The following TGFBI variants were observed in gnomAD, a reference collection of about 807,000 sequenced individuals.
The protein encoded by TGFBI is transforming growth factor-beta-induced protein ig-h3.
A neutral mutation model predicts 73.7 loss-of-function variants in TGFBI; 50 were observed. The ratio of observed to expected loss-of-function variants is 0.68; its 90% confidence interval spans 0.54 to 0.86. The LOEUF (loss-of-function observed/expected upper bound fraction) is 0.86. Among genes scored for constraint, TGFBI ranks in the 40% least tolerant of loss-of-function variants. The pLI is 0.00. For missense variants in TGFBI, 839 were observed against 877.0 expected (o/e 0.96, Z 0.55); for synonymous variants, 362 against 360.5 (o/e 1.00, Z -0.05).
chr5:136,033,864 G>T lies in TGFBI; in HGVS notation c.233+3G>T. The stretch of plus-strand genomic sequence containing the variant: ...AGGAAAATCTGTGGCAAATCAACGT[G>T]AGTATCTGTAACCAGCCAGGAGACC... On this transcript the variant is annotated splice_donor_region_variant and intron_variant, in intron 2 of 16. Transcript: ENST00000442011. 1 of 1,612,800 alleles carries T rather than the reference G, an allele frequency of 6.2e-7. No individual in the cohort carries two copies. Among genetic ancestry groups the T allele is most frequent in the Non-Finnish European group, 8.5e-7 (1 of 1,179,190 alleles).
At chr5:136,034,434 G>T (rs1359171808) in intron 2 of TGFBI, among the ~76,000 whole-genome samples, 2 of 151,914 alleles carry the variant, frequency 1.3e-5, no homozygotes, top group African/African-American at 4.8e-5. Context: ...TATAACAAAA[G>T]GACCCACCTT....
intron 3 of TGFBI, 94 bp from the exon 4 acceptor site, chr5:136,046,241 C>T: frequency 6.8e-7 from 1 of 1,478,574 alleles, no homozygotes; most frequent in Non-Finnish European, 9.3e-7. Flanking sequence ...TCCTCTCCAC[C>T]TGTAGATGTA....
At chr5:136,058,526 C>A (rs1180823206) in intron 12 of TGFBI, among the ~76,000 whole-genome samples, 1 of 152,174 alleles carries the variant, frequency 6.6e-6, no homozygotes, top group Non-Finnish European at 1.5e-5. Flanking sequence ...GGGAATATCC[C>A]CCTCAGCCCT....
chr5:136,037,746 C>T (rs1751253693), intron 2 of TGFBI, among the ~76,000 whole-genome samples: 6 of 152,174 alleles, frequency 3.9e-5, no homozygotes, highest in Admixed American at 3.9e-4. Flanking sequence ...TGCCCAGGGG[C>T]AAAAATATTA....
rs771190752 is a variant in TGFBI at position 136,060,827 on chromosome 5, C to T, written c.1804-7C>T. On this transcript the variant is annotated splice_region_variant and splice_polypyrimidine_tract_variant and intron_variant, in intron 13 of 16. Coordinates refer to ENST00000442011, the MANE Select transcript of TGFBI (RefSeq NM_000358.3). ...TACTTTCAACCACTACTCTGTTTTT[C>T]TTTTAGAAAAACAATGTGGTGAGTG... 2 of 1,589,506 alleles carry T rather than the reference C, an allele frequency of 1.3e-6. No individual in the cohort carries two copies. The highest frequency in any genetic ancestry group is 1.7e-6 in the Non-Finnish European group (2 of 1,163,198).
chr5:136,062,850 A>C (rs1751775079), intron 16 of TGFBI, among the ~76,000 whole-genome samples, 163 bp downstream of exon 16: 1 of 152,256 alleles, frequency 6.6e-6, no homozygotes, highest in Admixed American at 6.5e-5. Flanking sequence ...GGTCAGACCC[A>C]GAGCACCCCA....
chr5:136,058,209 T>G (rs1320254262), intron 12 of TGFBI, among the ~76,000 whole-genome samples: 2 of 152,218 alleles, frequency 1.3e-5, no homozygotes, highest in African/African-American at 2.4e-5. Flanking sequence ...GGCTCCATCC[T>G]CTGGCAGGCA....
intron 7 of TGFBI, 64 bp from the exon 8 acceptor site, chr5:136,052,843 C>A (rs1483609176): frequency 8.0e-6 from 12 of 1,499,308 alleles, no homozygotes; most frequent in Non-Finnish European, 1.1e-5. Flanking sequence ...GGGCAGGCTG[C>A]AAGTGGTCCC....
intron 4 of TGFBI, 101 bp downstream of exon 4, chr5:136,046,596 G>A (rs369298926): frequency 1.6e-5 from 23 of 1,398,980 alleles, no homozygotes; most frequent in East Asian, 7.5e-5. Flanking sequence ...ATTTCCTACT[G>A]TTTCAGGAAG....
rs377519138 is a variant in TGFBI at position 136,061,539 on chromosome 5, C to T, written c.1946C>T (p.Ser649Phe). The T allele has an allele frequency of 8.1e-6, 13 of 1,612,426 alleles. No homozygotes were observed. The highest frequency in any genetic ancestry group is 1.1e-5 in the Non-Finnish European group (13 of 1,179,276). ...PQERGDELADSALEIFKQASA... is the reference protein window; with the variant it reads ...PQERGDELADFALEIFKQASA... ...GAAAGAGGGGATGAACTTGCAGACT[C>T]TGCGCTTGAGATCTTCAAACAAGCA... The change falls in exon 15 of 17, where the codon TCT (serine) becomes TTT (phenylalanine). Residue 649 changes from serine (S) to phenylalanine (F), a missense_variant. Coordinates refer to ENST00000442011, the MANE Select transcript of TGFBI (RefSeq NM_000358.3).
At chr5:136,039,119 C>T (rs1751284450) in intron 2 of TGFBI, among the ~76,000 whole-genome samples, 1 of 152,160 alleles carries the variant, frequency 6.6e-6, no homozygotes, top group South Asian at 2.1e-4. Context: ...AACATAGTTT[C>T]AACTTTAAGG....
At chr5:136,039,098 A>G (rs1276440004) in intron 2 of TGFBI, among the ~76,000 whole-genome samples, 1 of 152,230 alleles carries the variant, frequency 6.6e-6, no homozygotes, top group Non-Finnish European at 1.5e-5. Context: ...ATTGCTTTCA[A>G]TGAAGATATT....
chr5:136,042,600 G>T (rs1040501511), intron 2 of TGFBI, among the ~76,000 whole-genome samples: 1 of 152,098 alleles, frequency 6.6e-6, no homozygotes, highest in Non-Finnish European at 1.5e-5. Flanking sequence ...GGGATGAAAG[G>T]TTAGAAAGAA....
intron 15 of TGFBI, among the ~76,000 whole-genome samples, chr5:136,062,017 T>C (rs1751757503): frequency 6.6e-6 from 1 of 152,126 alleles, no homozygotes; most frequent in Non-Finnish European, 1.5e-5. Context: ...ACTGTATGTA[T>C]TCTGGATACA....
chr5:136,029,941 C>G (rs943809129), intron 1 of TGFBI, among the ~76,000 whole-genome samples: 5 of 152,126 alleles, frequency 3.3e-5, no homozygotes, highest in African/African-American at 1.2e-4. Flanking sequence ...GCAGGAATTC[C>G]TTTGAGACCC....
intron 3 of TGFBI, chr5:136,045,766 A>G: frequency 6.6e-6 from 1 of 152,142 alleles, no homozygotes; most frequent in East Asian, 1.9e-4. Flanking sequence ...CCCTAATTTC[A>G]GACCCTTCAA....
chr5:136,044,208 G>A, intron 3 of TGFBI, 86 bp downstream of exon 3: 3 of 1,155,206 alleles, frequency 2.6e-6, no homozygotes, highest in South Asian at 2.6e-5. Flanking sequence ...AGGCAGCAGA[G>A]TGTGAATGGG....
intron 1 of TGFBI, among the ~76,000 whole-genome samples, chr5:136,030,765 C>G (rs567633286): frequency 1.4e-4 from 21 of 152,228 alleles, no homozygotes; most frequent in Non-Finnish European, 2.8e-4. Context: ...CTCAATTTGC[C>G]TAGGAGGGTT....
chr5:136,054,838 C>G lies in TGFBI; in HGVS notation c.1387C>G (p.Leu463Val), dbSNP rs1751598842. Residue 463 changes from leucine (L) to valine (V), a missense_variant, in exon 10 of 17, where the codon CTG becomes GTG. By Grantham distance (32) the Leu-to-Val change is conservative. Coordinates refer to ENST00000442011, the MANE Select transcript of TGFBI (RefSeq NM_000358.3). ...QTLETLGGKKLRVFVYRNSLC... is the reference protein window; with the variant it reads ...QTLETLGGKKVRVFVYRNSLC... ...CCTGGAAACTCTGGGCGGCAAAAAA[C>G]TGAGAGTTTTTGTTTATCGTAATGT... is the stretch of plus-strand genomic sequence containing the variant. 6.2e-7 allele frequency: 1 copy of G among 1,613,706 alleles called. No individual in the cohort carries two copies. Among genetic ancestry groups the G allele is most frequent in the Non-Finnish European group, 8.5e-7 (1 of 1,179,852 alleles).
Sources: allele counts gnomAD v4.1 joint callset (sites outside exome capture counted in the v4.1 genomes callset), GRCh38; gene constraint gnomAD v4.1.1; transcripts MANE v1.5; gene names NCBI Gene and HGNC (gene_info 2026-07-23, HGNC 2026-07-21).